The following KLF16 variants were observed in gnomAD, a reference collection of about 807,000 sequenced individuals.
KLF16 encodes the protein Krueppel-like factor 16.
KLF16 carries 6 observed loss-of-function variants against 6.1 expected under a neutral mutation model. That is an observed-to-expected ratio of 0.98 (90% confidence interval 0.54 to 1.93). The LOEUF (loss-of-function observed/expected upper bound fraction) is 1.93. Ranked by LOEUF, KLF16 falls within the 30% of genes most tolerant of loss-of-function variation. The pLI, the probability that KLF16 is intolerant of heterozygous loss-of-function variation, is 0.01. For synonymous variants in KLF16, 211 were observed against 176.5 expected, an observed-to-expected ratio of 1.20 and a Z score of -1.55; for missense variants, 355 against 363.8, an observed-to-expected ratio of 0.98 and a Z score of 0.20.
At chr19:1,862,767 C>A (rs1019973831) in intron 1 of KLF16, 30 of 371,070 alleles carry the variant, frequency 8.1e-5, no homozygotes, top group African/African-American at 5.9e-4. Flanking sequence ...GGTGGTCTGC[C>A]CAGGAGTCTC....
intron 1 of KLF16, 154 bp downstream of exon 1, chr19:1,862,887 C>T (rs2012097540): frequency 4.7e-6 from 1 of 213,288 alleles, no homozygotes. Context: ...GCGCGCGCCC[C>T]ACCCACCGAG....
At chr19:1,876,388 C>T in the KLF16 span, among the ~76,000 whole-genome samples, 773 of 152,358 alleles carry the variant, frequency 5.1e-3, 3 homozygotes, top group Non-Finnish European at 8.3e-3. Context: ...CCACCGGTTC[C>T]CGAGTCCTCC....
At chr19:1,874,377 A>G in the KLF16 span, among the ~76,000 whole-genome samples, 4 of 152,202 alleles carry the variant, frequency 2.6e-5, no homozygotes, top group Non-Finnish European at 5.9e-5. Flanking sequence ...GGGGAAAAGA[A>G]TGCTTTTTTG....
the KLF16 span, among the ~76,000 whole-genome samples, chr19:1,873,708 AGC>A: frequency 6.6e-6 from 1 of 152,182 alleles, no homozygotes; most frequent in Non-Finnish European, 1.5e-5. Flanking sequence ...AGGTGGGGAG[AGC>A]GCGCGTCCTG....
chr19:1,874,344 T>A, the KLF16 span, among the ~76,000 whole-genome samples: 2 of 152,176 alleles, frequency 1.3e-5, no homozygotes, highest in African/African-American at 4.8e-5. Context: ...CAAATCTACT[T>A]GCCATAAAGA....
intron 1 of KLF16, among the ~76,000 whole-genome samples, chr19:1,855,029 GTA>G (rs1426170140): frequency 6.6e-6 from 1 of 152,114 alleles, no homozygotes; most frequent in Non-Finnish European, 1.5e-5. Context: ...TCTGTTAACC[GTA>G]AGTAACCGCC....
Position 1,857,567 on chromosome 19 carries a change from G to C in KLF16, c.458-2807C>G, listed in dbSNP as rs1202980939. Among the ~76,000 whole-genome samples the C allele has an allele frequency of 6.6e-6, 1 of 152,168 alleles. No individual in the cohort carries two copies. Among genetic ancestry groups the C allele is most frequent in the African/African-American group, 2.4e-5 (1 of 41,442 alleles). ...AACCTGGCCCGGCCCCGTCTGAGCC[G>C]GCACAGGAGGGGCCTGGAGACAGGA... On this transcript the variant is annotated intron_variant, in intron 1 of 1. Transcript: ENST00000250916. This position sits in a 1 kb window ranked among gnomAD's most constrained non-coding sequence, Gnocchi z 4.7.
chr19:1,869,073 T>C, the KLF16 span, among the ~76,000 whole-genome samples: 6 of 152,106 alleles, frequency 3.9e-5, no homozygotes, highest in South Asian at 2.1e-4. Context: ...TGAAATGCCA[T>C]GTGGGACCCT....
chr19:1,870,120 C>T, the KLF16 span, among the ~76,000 whole-genome samples: 9 of 150,700 alleles, frequency 6.0e-5, no homozygotes, highest in African/African-American at 2.2e-4. Context: ...TTAGTAGAGA[C>T]GGGGTTTCTC....
chr19:1,856,788 C>G (rs2011958536), intron 1 of KLF16, among the ~76,000 whole-genome samples: 1 of 152,178 alleles, frequency 6.6e-6, no homozygotes, highest in Admixed American at 6.5e-5. Context: ...GCCGCCGTGT[C>G]GCCATCTTGC....
rs576732697 is a variant in KLF16, at chr19:1,857,969, C to T, written c.458-3209G>A. Among the ~76,000 whole-genome samples the T allele has an allele frequency of 6.6e-6, 1 of 152,124 alleles. No individual in the cohort carries two copies. Among genetic ancestry groups the T allele is most frequent in the South Asian group, 2.1e-4 (1 of 4,818 alleles). ...CCCTGCCAGCCTGGGGGTGGGGTCT[C>T]GAATACTACTGGGCCATAGCAACCC... On this transcript the variant is annotated intron_variant, in intron 1 of 1. Transcript: ENST00000250916. This position sits in a 1 kb window ranked among gnomAD's most constrained non-coding sequence, Gnocchi z 4.7.
At chr19:1,872,853 G>A in the KLF16 span, among the ~76,000 whole-genome samples, 1 of 152,120 alleles carries the variant, frequency 6.6e-6, no homozygotes. Flanking sequence ...GGAACCGGGA[G>A]GGAAGTGGGA....
In KLF16 at chr19:1,854,216, G is replaced by A; in HGVS notation, c.*243C>T. ...CCTGGGGGGGCCCCGTTGCACAGAT[G>A]GGAAGAAAGTTAGTATCATGGCTAT... On this transcript the variant is annotated 3_prime_UTR_variant, in exon 2 of 2. Coordinates refer to ENST00000250916, the MANE Select transcript of KLF16 (RefSeq NM_031918.4). 2.2e-6 allele frequency: 1 copy of A among 452,886 alleles called. No individual in the cohort carries two copies. The highest frequency in any genetic ancestry group is 3.7e-6 in the Non-Finnish European group (1 of 268,836). The allele number at this position is 452,886 out of a possible 1,614,324, so 28.1% of individuals were successfully genotyped here.
chr19:1,866,802 T>C (rs1011687001), upstream of KLF16, among the ~76,000 whole-genome samples: 46 of 147,946 alleles, frequency 3.1e-4, no homozygotes, highest in Non-Finnish European at 3.9e-4. Flanking sequence ...AAAGGAGTTG[T>C]CATTCCCATT....
chr19:1,868,461 C>CTTTTTTT (rs762308559), upstream of KLF16, among the ~76,000 whole-genome samples: 2 of 110,066 alleles, frequency 1.8e-5, no homozygotes, highest in Admixed American at 9.1e-5. Context: ...CAGATTAGGG[C>CTTTTTTT]TTTTTTTTTT....
chr19:1,863,006 G>T, intron 1 of KLF16, 35 bp downstream of exon 1: 1 of 1,236,062 alleles, frequency 8.1e-7, no homozygotes, highest in Non-Finnish European at 1.0e-6. Context: ...TCAGGCGGCC[G>T]CCCCCGCAAG....
At chr19:1,861,555 G>A (rs959558023) in intron 1 of KLF16, 5 of 152,266 alleles carry the variant, frequency 3.3e-5, no homozygotes, top group Admixed American at 3.3e-4. Context: ...CCTCCGCCGA[G>A]GATGTGTGGC....
At chr19:1,856,294 G>A (rs2011948385) in intron 1 of KLF16, among the ~76,000 whole-genome samples, 1 of 152,124 alleles carries the variant, frequency 6.6e-6, no homozygotes, top group Non-Finnish European at 1.5e-5. Flanking sequence ...AGGGTGGAGG[G>A]GTCTGCCCAC....
chr19:1,864,754 A>G (rs1379287026), upstream of KLF16, among the ~76,000 whole-genome samples: 1 of 152,170 alleles, frequency 6.6e-6, no homozygotes, highest in Non-Finnish European at 1.5e-5. Context: ...CCAACTTGTT[A>G]AATATTAGGG....
Sources: allele counts gnomAD v4.1 joint callset (sites outside exome capture counted in the v4.1 genomes callset), GRCh38; gene constraint gnomAD v4.1.1; non-coding constraint Gnocchi (gnomAD v3.1); transcripts MANE v1.5; gene names NCBI Gene and HGNC (gene_info 2026-07-23, HGNC 2026-07-21).